EXOC6B: variants seen among roughly 807,000 people sequenced by gnomAD.
The protein encoded by EXOC6B is exocyst complex component 6B.
In EXOC6B, 54 loss-of-function variants were observed where a neutral mutation model predicts 113.5. The ratio of observed to expected loss-of-function variants is 0.48; its 90% CI spans 0.38 to 0.60. EXOC6B has a LOEUF of 0.60. Ranked by LOEUF, EXOC6B falls within the 20% of genes least tolerant of loss-of-function variation. EXOC6B has a pLI of 0.00. For synonymous variants in EXOC6B, 357 were observed against 339.0 expected, an observed-to-expected ratio of 1.05 and a Z score of -0.58; for missense variants, 797 against 977.5, an observed-to-expected ratio of 0.82 and a Z score of 2.46.
intron 8 of EXOC6B, among the ~76,000 whole-genome samples, chr2:72,533,438 C>T (rs1177412000): frequency 6.6e-6 from 1 of 152,206 alleles, no homozygotes; most frequent in Non-Finnish European, 1.5e-5. Flanking sequence ...TTGCAGAATT[C>T]TGACAGGCCC....
chr2:72,437,157 T>C (rs1019118140), intron 18 of EXOC6B, among the ~76,000 whole-genome samples: 13 of 152,266 alleles, frequency 8.5e-5, no homozygotes, highest in African/African-American at 2.9e-4. Flanking sequence ...CAGGCCCCTC[T>C]ACTGCAAGTC....
intron 20 of EXOC6B, among the ~76,000 whole-genome samples, chr2:72,319,879 A>G (rs1428298593): frequency 6.6e-6 from 1 of 151,798 alleles, no homozygotes; most frequent in Non-Finnish European, 1.5e-5. Context: ...TCTGTCGCCC[A>G]GGCTGAAGTG....
intron 18 of EXOC6B, among the ~76,000 whole-genome samples, chr2:72,424,908 G>A (rs1318738840): frequency 6.6e-6 from 1 of 152,158 alleles, no homozygotes; most frequent in African/African-American, 2.4e-5. Flanking sequence ...TGTCATGGGG[G>A]TTTCTTGTAC....
At chr2:72,731,572 T>C (rs561772855) in intron 3 of EXOC6B, among the ~76,000 whole-genome samples, 7 of 152,356 alleles carry the variant, frequency 4.6e-5, no homozygotes, top group Non-Finnish European at 1.0e-4. Flanking sequence ...ATGTGGCCTT[T>C]CTAAAAGTTA....
At chr2:72,644,695 A>T (rs1673558189) in intron 6 of EXOC6B, among the ~76,000 whole-genome samples, 1 of 152,216 alleles carries the variant, frequency 6.6e-6, no homozygotes, top group African/African-American at 2.4e-5. Flanking sequence ...ACTAAGCTTC[A>T]TAAGTGAAGG....
chr2:72,486,569 G>T (rs886987569), intron 16 of EXOC6B, among the ~76,000 whole-genome samples: 15 of 151,970 alleles, frequency 9.9e-5, no homozygotes, highest in African/African-American at 2.7e-4. Context: ...CCCATCTGTA[G>T]GTTTAGCTGA....
chr2:72,692,807 T>C (rs772747135), intron 6 of EXOC6B, among the ~76,000 whole-genome samples: 2 of 152,212 alleles, frequency 1.3e-5, no homozygotes, highest in Non-Finnish European at 2.9e-5. Flanking sequence ...TATTTCTCTC[T>C]GTGCAAAATA....
intron 1 of EXOC6B, among the ~76,000 whole-genome samples, chr2:72,752,402 G>T (rs912758642): frequency 2.0e-5 from 3 of 151,730 alleles, no homozygotes; most frequent in African/African-American, 7.3e-5. Flanking sequence ...TCTTTGGTGG[G>T]GGGAAGCTGA....
chr2:72,685,533 G>GT (rs1387070308), intron 6 of EXOC6B, among the ~76,000 whole-genome samples: 5 of 152,054 alleles, frequency 3.3e-5, no homozygotes, highest in South Asian at 2.1e-4. Context: ...TATGGTAACT[G>GT]TTTTTTTGAT....
At chr2:72,262,864 A>G (rs1266251470) in intron 20 of EXOC6B, among the ~76,000 whole-genome samples, 2 of 152,224 alleles carry the variant, frequency 1.3e-5, no homozygotes, top group Non-Finnish European at 2.9e-5. Context: ...TTCACAAAAA[A>G]AGAGAATAAG....
rs1672154546 is a variant in EXOC6B at position 72,627,876 on chromosome 2, C to T, written c.670-52208G>A. Among the ~76,000 whole-genome samples, 3 of 151,974 alleles carry T rather than the reference C, an allele frequency of 2.0e-5. No individual in the cohort carries two copies. The South Asian group carries it at 6.2e-4, about 32-fold the overall frequency. ...CCAGGTAGCTGGAACTATAAACATG[C>T]ACCACTGCACACAGCTCCCATTTTT... On this transcript the variant is annotated intron_variant, in intron 6 of 21. Transcript: ENST00000272427.
intron 8 of EXOC6B, among the ~76,000 whole-genome samples, chr2:72,550,537 G>A (rs1373945541): frequency 2.6e-5 from 4 of 152,140 alleles, no homozygotes; most frequent in Admixed American, 1.3e-4. Flanking sequence ...GAAGAGACCT[G>A]TTTCTGCCAT....
intron 6 of EXOC6B, among the ~76,000 whole-genome samples, chr2:72,698,997 T>C (rs894145109): frequency 1.3e-5 from 2 of 152,186 alleles, no homozygotes; most frequent in African/African-American, 4.8e-5. Flanking sequence ...AGAACATATA[T>C]CTATTTCAGA....
intron 20 of EXOC6B, among the ~76,000 whole-genome samples, chr2:72,318,454 T>A (rs907876448): frequency 2.0e-5 from 3 of 151,884 alleles, no homozygotes; most frequent in Admixed American, 6.6e-5. Flanking sequence ...AGTGCAATGG[T>A]GCGATCTCGG....
At chr2:72,682,960 G>A (rs1383982117) in intron 6 of EXOC6B, among the ~76,000 whole-genome samples, 1 of 151,844 alleles carries the variant, frequency 6.6e-6, no homozygotes, top group East Asian at 1.9e-4. Context: ...AAAAGCCACT[G>A]GAAAAGTTGT....
At chr2:72,320,186 T>C (rs1687770186) in intron 20 of EXOC6B, among the ~76,000 whole-genome samples, 1 of 148,682 alleles carries the variant, frequency 6.7e-6, no homozygotes, top group Non-Finnish European at 1.5e-5. Context: ...TATATATATT[T>C]ATATATATTT....
At chr2:72,684,830 G>A (rs1676964404) in intron 6 of EXOC6B, among the ~76,000 whole-genome samples, 1 of 152,144 alleles carries the variant, frequency 6.6e-6, no homozygotes, top group Admixed American at 6.5e-5. Flanking sequence ...AGGACTGAGT[G>A]GAGAGGGAAA....
chr2:72,346,007 G>A (rs1056788729), intron 19 of EXOC6B, among the ~76,000 whole-genome samples: 2 of 151,836 alleles, frequency 1.3e-5, no homozygotes, highest in African/African-American at 4.8e-5. Context: ...ATTAAAGTCT[G>A]CTAAAAATTT....
intron 7 of EXOC6B, among the ~76,000 whole-genome samples, chr2:72,574,631 G>T (rs1426526369): frequency 6.6e-6 from 1 of 152,086 alleles, no homozygotes; most frequent in East Asian, 1.9e-4. Flanking sequence ...AAGAGTAAAT[G>T]ATTCCTTACA....
Sources: allele counts gnomAD v4.1 joint callset (sites outside exome capture counted in the v4.1 genomes callset), GRCh38; gene constraint gnomAD v4.1.1; transcripts MANE v1.5; gene names NCBI Gene and HGNC (gene_info 2026-07-23, HGNC 2026-07-21).